MIGA1: variants seen among roughly 807,000 people sequenced by gnomAD.
MIGA1 encodes mitoguardin 1.
In MIGA1, 58 loss-of-function variants were observed where a neutral mutation model predicts 82.0. The ratio of observed to expected loss-of-function variants is 0.71; its 90% CI spans 0.57 to 0.88. The LOEUF (loss-of-function observed/expected upper bound fraction) is 0.88, where lower values mean the gene tolerates loss of function less well. Among genes scored for constraint, MIGA1 ranks in the 40% least tolerant of loss-of-function variants. MIGA1 has a pLI of 0.00. For synonymous variants in MIGA1, 249 were observed against 253.6 expected (o/e 0.98, Z 0.17); for missense variants, 751 against 749.1 (o/e 1.00, Z -0.03).
At chr1:77,840,743 T>C (rs1684599254) in intron 7 of MIGA1, among the ~76,000 whole-genome samples, 1 of 151,676 alleles carries the variant, frequency 6.6e-6, no homozygotes, top group Admixed American at 6.6e-5. Flanking sequence ...ATCTGGGAGG[T>C]GGAGGTTGTG....
chr1:77,862,307 T>C (rs1018864157), intron 12 of MIGA1: 1 of 144,986 alleles, frequency 6.9e-6, no homozygotes, highest in African/African-American at 2.6e-5. Context: ...ATTAGCCAGG[T>C]GTAGTGGCTC....
At chr1:77,827,463 G>A (rs1298917400) in intron 7 of MIGA1, among the ~76,000 whole-genome samples, 1 of 151,970 alleles carries the variant, frequency 6.6e-6, no homozygotes, top group Non-Finnish European at 1.5e-5. Context: ...GACAGAGTGA[G>A]ACCCTGTCTC....
intron 4 of MIGA1, among the ~76,000 whole-genome samples, chr1:77,806,366 G>A (rs1021961419): frequency 6.6e-6 from 1 of 152,194 alleles, no homozygotes; most frequent in African/African-American, 2.4e-5. Context: ...TATGTCGAAA[G>A]TGTCTGTAGT....
intron 2 of MIGA1, among the ~76,000 whole-genome samples, chr1:77,797,312 A>T (rs902231688): frequency 6.6e-6 from 1 of 152,164 alleles, no homozygotes; most frequent in South Asian, 2.1e-4. Context: ...ACAAAAATAG[A>T]TTGACTATAT....
At position 77,857,351 on chromosome 1, in the gene MIGA1, C is replaced by CTTGTA. The variant is rs545051687; in HGVS notation, c.997-1569_997-1565dup. On this transcript the variant is annotated intron_variant, in intron 8 of 15. Coordinates refer to ENST00000370791, the MANE Select transcript of MIGA1 (RefSeq NM_198549.4). The stretch of plus-strand genomic sequence containing the variant: ...TTTTTTTTTTGTTTTTGCTTTGTAA[C>CTTGTA]TTGTATTGTATTGTATTGTATTTAT... Among the ~76,000 whole-genome samples the CTTGTA allele has an allele frequency of 3.6e-3, 537 of 148,950 alleles. 4 individuals carry two copies. Among genetic ancestry groups the CTTGTA allele is most frequent in the African/African-American group, 0.013 (511 of 40,396 alleles).
chr1:77,870,207 C>A (rs1246551739), intron 14 of MIGA1, among the ~76,000 whole-genome samples: 1 of 109,836 alleles, frequency 9.1e-6, no homozygotes, highest in Non-Finnish European at 2.0e-5. Flanking sequence ...GGCGGCTGGC[C>A]GGGCGGGGGG....
At chr1:77,830,773 A>G (rs1420267292) in intron 7 of MIGA1, among the ~76,000 whole-genome samples, 3 of 152,316 alleles carry the variant, frequency 2.0e-5, no homozygotes, top group East Asian at 3.9e-4. Context: ...AGAGATACAC[A>G]TGGAGACTTT....
chr1:77,792,901 G>A (rs1222587484), intron 2 of MIGA1, among the ~76,000 whole-genome samples: 1 of 149,332 alleles, frequency 6.7e-6, no homozygotes, highest in African/African-American at 2.5e-5. Context: ...TGATTCTCCT[G>A]TCTCAGCCTC....
rs980255273 is a variant in MIGA1 at position 77,878,517 on chromosome 1, C to G, written c.*3453C>G. The G allele has an allele frequency of 8.7e-6, 2 of 229,188 alleles. No individual in the cohort carries two copies. The highest frequency in any genetic ancestry group is 4.5e-5 in the African/African-American group (2 of 44,736). The allele number at this position is 229,188 out of a possible 1,614,324, so 14.2% of individuals were successfully genotyped here. On this transcript the variant is annotated 3_prime_UTR_variant, in exon 16 of 16. Transcript: ENST00000370791. ...TAGTTTAGAGCCTTTTAGGGTAAACCCTGTTTAAACACTTAATCATGGAAT... is the reference window on the plus strand; with the variant it reads ...TAGTTTAGAGCCTTTTAGGGTAAACGCTGTTTAAACACTTAATCATGGAAT...
At chr1:77,869,553 C>T (rs1469231659) in intron 14 of MIGA1, among the ~76,000 whole-genome samples, 1 of 139,360 alleles carries the variant, frequency 7.2e-6, no homozygotes, top group African/African-American at 2.7e-5. Flanking sequence ...CCGGATGGGG[C>T]GGCTGGCCGG....
chr1:77,783,170 G>T (rs1230424636), intron 1 of MIGA1, 68 bp from the exon 2 acceptor site: 3 of 1,076,200 alleles, frequency 2.8e-6, no homozygotes, highest in African/African-American at 1.6e-5. Flanking sequence ...TTTTCAGTTT[G>T]TACCTTTCAT....
intron 2 of MIGA1, among the ~76,000 whole-genome samples, chr1:77,799,268 G>A (rs1344627754): frequency 1.3e-5 from 2 of 151,940 alleles, no homozygotes; most frequent in African/African-American, 2.4e-5. Context: ...CATAATGTAC[G>A]GTATTCAATA....
rs1478506754 is a variant in MIGA1, at chr1:77,779,676, G to C, written c.21G>C (p.Ala7=). Residue 7 remains alanine (A), a synonymous_variant, in exon 1 of 16, where the codon GCG becomes GCC. Transcript: ENST00000370791. ...TCTCCATGTCAGACTGCTGCTCAGCGCCAGGCATCAGCTGGGAAGCTGGCG... is the reference window on the plus strand; with the variant it reads ...TCTCCATGTCAGACTGCTGCTCAGCCCCAGGCATCAGCTGGGAAGCTGGCG... The C allele has an allele frequency of 6.3e-7, 1 of 1,587,400 alleles. No individual in the cohort carries two copies. Among genetic ancestry groups the C allele is most frequent in the South Asian group, 1.2e-5 (1 of 86,880 alleles).
chr1:77,850,912 C>G (rs1685022322), intron 8 of MIGA1, among the ~76,000 whole-genome samples: 1 of 151,850 alleles, frequency 6.6e-6, no homozygotes, highest in Non-Finnish European at 1.5e-5. Context: ...TCTTGTCACC[C>G]AGGCTGGAGT....
At chr1:77,862,958 AAAAG>A (rs1212852406) in intron 12 of MIGA1, among the ~76,000 whole-genome samples, 2 of 152,194 alleles carry the variant, frequency 1.3e-5, no homozygotes, top group African/African-American at 4.8e-5. Flanking sequence ...AAAAAAAAAA[AAAAG>A]AGTGAGTTTA....
intron 2 of MIGA1, among the ~76,000 whole-genome samples, chr1:77,800,370 A>AATGCTAATGTCTTACCTCT (rs1682825568): frequency 6.6e-6 from 1 of 152,178 alleles, no homozygotes; most frequent in Admixed American, 6.5e-5. Context: ...CGTGTAAGCC[A>AATGCTAATGTCTTACCTCT]ATGCTAATGT....
At chr1:77,848,430 T>C in intron 8 of MIGA1, 1 of 922,990 alleles carries the variant, frequency 1.1e-6, no homozygotes, top group Non-Finnish European at 1.7e-6. Context: ...TAATGATAAA[T>C]ACAGAGATAG....
At chr1:77,859,156 G>T in intron 9 of MIGA1, 100 bp downstream of exon 9, 1 of 1,001,238 alleles carries the variant, frequency 1.0e-6, no homozygotes. Flanking sequence ...ATGTTTTTAG[G>T]TCCAAGTAAA....
intron 5 of MIGA1, chr1:77,810,895 T>C: frequency 6.2e-7 from 1 of 1,611,936 alleles, no homozygotes; most frequent in African/African-American, 1.3e-5. Flanking sequence ...TAGATGAAGA[T>C]AAAGTGGTTT....
Sources: gnomAD v4.1 joint callset for allele counts (sites outside exome capture counted in the v4.1 genomes callset) on GRCh38, gnomAD v4.1.1 for gene constraint, MANE v1.5 for transcripts, NCBI Gene and HGNC (gene_info 2026-07-23, HGNC 2026-07-21) for gene names.